The following SPATA16 variants were observed in gnomAD, a reference collection of about 807,000 sequenced individuals.
SPATA16 encodes spermatogenesis-associated protein 16.
Under a neutral mutation model 63.3 loss-of-function variants are expected in SPATA16, and 36 were observed. The observed-to-expected ratio is 0.57, with a 90% CI of 0.44 to 0.75. SPATA16 has a LOEUF of 0.75. Among genes scored for constraint, SPATA16 ranks in the 30% least tolerant of loss-of-function variants. The pLI is 0.00. For synonymous variants in SPATA16, 203 were observed against 216.7 expected (o/e 0.94, Z 0.56); for missense variants, 646 against 679.3 (o/e 0.95, Z 0.54).
At chr3:173,128,452 A>G (rs1033796996) in intron 1 of SPATA16, among the ~76,000 whole-genome samples, 8 of 152,334 alleles carry the variant, frequency 5.3e-5, no homozygotes, top group Middle Eastern at 3.4e-3. Context: ...ATACTACTTT[A>G]GTATGCATCA....
At chr3:173,105,361 G>T (rs6778909) in intron 2 of SPATA16, among the ~76,000 whole-genome samples, 31,006 of 151,918 alleles carry the variant, frequency 0.2, 4,268 homozygotes, top group African/African-American at 0.39. Flanking sequence ...AATTGTTCTC[G>T]CCAAAGACCC....
chr3:173,137,282 C>T (rs1326032611), intron 1 of SPATA16, among the ~76,000 whole-genome samples: 1 of 152,196 alleles, frequency 6.6e-6, no homozygotes, highest in Non-Finnish European at 1.5e-5. Flanking sequence ...ATCCCAACCC[C>T]ATCCCATTAT....
At chr3:172,968,695 A>G (rs1046255344) in intron 5 of SPATA16, among the ~76,000 whole-genome samples, 1 of 152,190 alleles carries the variant, frequency 6.6e-6, no homozygotes, top group African/African-American at 2.4e-5. Flanking sequence ...CAACCAGCAA[A>G]TAATGTCACG....
intron 6 of SPATA16, among the ~76,000 whole-genome samples, chr3:172,948,203 C>G (rs1190960447): frequency 6.6e-6 from 1 of 152,014 alleles, no homozygotes; most frequent in Admixed American, 6.6e-5. Flanking sequence ...TTCCCAAAGG[C>G]CATGGATAAA....
At chr3:173,100,449 A>G (rs980664114) in intron 2 of SPATA16, among the ~76,000 whole-genome samples, 2 of 152,178 alleles carry the variant, frequency 1.3e-5, no homozygotes, top group Admixed American at 6.5e-5. Flanking sequence ...TGAAGCTACC[A>G]GCTTTCAACA....
In SPATA16 at chr3:172,914,705, C is replaced by T. The variant is rs1010424425; in HGVS notation, c.1504-961G>A. Among the ~76,000 whole-genome samples, 4 of 151,946 alleles carry T rather than the reference C, an allele frequency of 2.6e-5. No homozygotes were observed. In the East Asian group the frequency reaches 7.7e-4, roughly 29 times the overall value. On this transcript the variant is annotated intron_variant, in intron 9 of 10. Coordinates refer to ENST00000351008, the MANE Select transcript of SPATA16 (RefSeq NM_031955.6). ...ATATAATGTTTAAATGCTTGGCATA[C>T]AGATATACATCCACATATATTTAAA...
At chr3:172,978,161 C>CCA (rs1553788462) in intron 4 of SPATA16, among the ~76,000 whole-genome samples, 1 of 147,230 alleles carries the variant, frequency 6.8e-6, no homozygotes, top group Non-Finnish European at 1.5e-5. Flanking sequence ...CTCTCTCTCT[C>CCA]TATATATATA....
At chr3:173,001,037 C>G (rs776127369) in intron 4 of SPATA16, among the ~76,000 whole-genome samples, 17 of 152,210 alleles carry the variant, frequency 1.1e-4, no homozygotes, top group Non-Finnish European at 2.1e-4. Context: ...GATTCTGGCT[C>G]TGATGGTTGT....
At chr3:172,996,527 G>T (rs1194629076) in intron 4 of SPATA16, among the ~76,000 whole-genome samples, 2 of 151,956 alleles carry the variant, frequency 1.3e-5, no homozygotes, top group Non-Finnish European at 2.9e-5. Context: ...AAGCAAAATT[G>T]AGTGGAAAGT....
intron 3 of SPATA16, among the ~76,000 whole-genome samples, chr3:173,036,818 A>G (rs1307441617): frequency 6.6e-6 from 1 of 152,042 alleles, no homozygotes; most frequent in Non-Finnish European, 1.5e-5. Context: ...CTCTTGCAAA[A>G]TGTCAATGTT....
intron 6 of SPATA16, among the ~76,000 whole-genome samples, chr3:172,940,331 CACTA>C (rs1174314790): frequency 6.6e-6 from 1 of 152,188 alleles, no homozygotes; most frequent in Non-Finnish European, 1.5e-5. Flanking sequence ...TGGAACCTGA[CACTA>C]ACTCTATGTG....
chr3:172,995,548 G>A (rs914533865), intron 4 of SPATA16, among the ~76,000 whole-genome samples: 4 of 152,022 alleles, frequency 2.6e-5, no homozygotes. Context: ...AAAAGAACAT[G>A]TTCTTAAATT....
At chr3:172,974,585 A>G (rs1014368159) in intron 5 of SPATA16, among the ~76,000 whole-genome samples, 3 of 152,052 alleles carry the variant, frequency 2.0e-5, no homozygotes, top group Non-Finnish European at 4.4e-5. Context: ...GGTTAGCAGC[A>G]GGAAGTATAT....
At chr3:172,934,983 T>A (rs1374730752) in intron 6 of SPATA16, among the ~76,000 whole-genome samples, 1 of 152,122 alleles carries the variant, frequency 6.6e-6, no homozygotes, top group Non-Finnish European at 1.5e-5. Flanking sequence ...TTTGGAACTT[T>A]AGGACAAAGT....
intron 3 of SPATA16, among the ~76,000 whole-genome samples, chr3:173,027,051 C>T (rs762331728): frequency 4.7e-4 from 72 of 151,788 alleles, no homozygotes; most frequent in Non-Finnish European, 8.7e-4. Flanking sequence ...ATAAATATAG[C>T]ACTTTTCTCC....
At chr3:173,030,870 T>C (rs989483306) in intron 3 of SPATA16, among the ~76,000 whole-genome samples, 1 of 152,062 alleles carries the variant, frequency 6.6e-6, no homozygotes, top group African/African-American at 2.4e-5. Flanking sequence ...ACATGGTATC[T>C]AACATACAAT....
At chr3:172,929,750 G>A (rs754151850) in intron 6 of SPATA16, among the ~76,000 whole-genome samples, 28 of 152,152 alleles carry the variant, frequency 1.8e-4, no homozygotes, top group Non-Finnish European at 4.0e-4. Flanking sequence ...GTCGCAGCTG[G>A]AAATTTCCAC....
chr3:172,969,586 G>T (rs1262624626), intron 5 of SPATA16, among the ~76,000 whole-genome samples: 4 of 152,146 alleles, frequency 2.6e-5, no homozygotes, highest in Non-Finnish European at 5.9e-5. Context: ...TGATGCAGTT[G>T]GTTACTAGAC....
At chr3:172,963,968 T>C (rs1252797548) in intron 5 of SPATA16, among the ~76,000 whole-genome samples, 2 of 152,192 alleles carry the variant, frequency 1.3e-5, no homozygotes, top group African/African-American at 2.4e-5. Flanking sequence ...GATTCCCTTC[T>C]TCTTTTTTCA....
Sources: gnomAD v4.1 joint callset for allele counts (sites outside exome capture counted in the v4.1 genomes callset) on GRCh38, gnomAD v4.1.1 for gene constraint, MANE v1.5 for transcripts, NCBI Gene and HGNC (gene_info 2026-07-23, HGNC 2026-07-21) for gene names.